Variants in CACNA1B observed in about 807,000 individuals in gnomAD.
CACNA1B encodes the protein calcium voltage-gated channel subunit alpha1 B, also known as voltage-dependent N-type calcium channel subunit alpha-1B.
A neutral mutation model predicts 247.2 loss-of-function variants in CACNA1B; 70 were observed. That is an observed-to-expected ratio of 0.28 (90% CI 0.23 to 0.35). The LOEUF (loss-of-function observed/expected upper bound fraction) is 0.35, where lower values mean the gene tolerates loss of function less well. Ranked by LOEUF, CACNA1B falls within the 10% of genes least tolerant of loss-of-function variation. The pLI is 1.00. For synonymous variants in CACNA1B, 1,231 were observed against 1,294.4 expected, an observed-to-expected ratio of 0.95 and a Z score of 1.05; for missense variants, 2,367 against 3,197.4, an observed-to-expected ratio of 0.74 and a Z score of 6.26.
In CACNA1B at chr9:138,058,341, C is replaced by A; in HGVS notation, c.4308+91C>A. The stretch of plus-strand genomic sequence containing the variant: ...GCACACAAATCACTCACAGCTGGGT[C>A]AGCTTTGGCTGCCACCGTCTGCCAA... On this transcript the variant is annotated intron_variant, in intron 28 of 46. Coordinates refer to ENST00000371372, the MANE Select transcript of CACNA1B (RefSeq NM_000718.4). The surrounding 1 kb of genome is among the most constrained non-coding windows in gnomAD (Gnocchi z 4.7). 8.3e-7 allele frequency: 1 copy of A among 1,199,564 alleles called. No homozygotes were observed. Among genetic ancestry groups the A allele is most frequent in the Non-Finnish European group, 1.2e-6 (1 of 819,536 alleles). The allele number at this position is 1,199,564 out of a possible 1,614,324, so 74.3% of individuals were successfully genotyped here. A position where few individuals can be genotyped will look rare whatever the true frequency, so the allele number is the denominator to read the frequency against.
At chr9:138,118,522 C>T in intron 43 of CACNA1B, 130 bp from the exon 44 acceptor site, 1 of 591,514 alleles carries the variant, frequency 1.7e-6, no homozygotes, top group Non-Finnish European at 3.0e-6. Context: ...GTGTGAACAG[C>T]AGTGGGAGTT....
intron 6 of CACNA1B, among the ~76,000 whole-genome samples, chr9:137,928,102 T>TTTG (rs957027667): frequency 2.6e-5 from 4 of 152,264 alleles, no homozygotes; most frequent in East Asian, 3.9e-4. Flanking sequence ...CTTGTCTTTT[T>TTTG]TTGTTGTTGT....
intron 25 of CACNA1B, 80 bp from the exon 26 acceptor site, chr9:138,053,762 CGTGA>C: frequency 1.9e-6 from 2 of 1,053,320 alleles, no homozygotes; most frequent in Non-Finnish European, 2.9e-6. Flanking sequence ...CACCCCTCCC[CGTGA>C]CCCTACCCTT....
rs1324882918 is a variant in CACNA1B at position 138,072,452 on chromosome 9, T to C, written c.4675-1036T>C. Among the ~76,000 whole-genome samples, 3 of 152,260 alleles carry C rather than the reference T, an allele frequency of 2.0e-5. No individual in the cohort carries two copies. Among genetic ancestry groups the C allele is most frequent in the Non-Finnish European group, 4.4e-5 (3 of 68,042 alleles). On this transcript the variant is annotated intron_variant, in intron 32 of 46. Transcript: ENST00000371372. This position sits in a 1 kb window ranked among gnomAD's most constrained non-coding sequence, Gnocchi z 4.5. ...CTGCGCCTGCACGTGCTCCTGCTGCTGCTGTCTCATTTGACATCTGTGTTC... is the reference window on the plus strand; with the variant it reads ...CTGCGCCTGCACGTGCTCCTGCTGCCGCTGTCTCATTTGACATCTGTGTTC...
At chr9:137,926,612 G>A (rs1377576834) in intron 6 of CACNA1B, among the ~76,000 whole-genome samples, 7 of 152,252 alleles carry the variant, frequency 4.6e-5, no homozygotes, top group East Asian at 3.9e-4. Flanking sequence ...CTGCTGTATC[G>A]TTTTGCACAA....
intron 2 of CACNA1B, among the ~76,000 whole-genome samples, chr9:137,879,604 G>A (rs551666995): frequency 3.3e-5 from 5 of 152,332 alleles, no homozygotes; most frequent in African/African-American, 7.2e-5. Context: ...TGTCTTGTGC[G>A]GGCCTGCTTG....
At chr9:137,893,378 C>T (rs535052028) in intron 3 of CACNA1B, among the ~76,000 whole-genome samples, 2 of 147,886 alleles carry the variant, frequency 1.4e-5, no homozygotes, top group East Asian at 3.9e-4. Context: ...ACACTGGGTG[C>T]GGTGGCTCAT....
intron 6 of CACNA1B, among the ~76,000 whole-genome samples, chr9:137,941,131 T>C (rs1398758516): frequency 6.6e-6 from 1 of 152,150 alleles, no homozygotes; most frequent in African/African-American, 2.4e-5. Flanking sequence ...ACTGTCGCTG[T>C]TTGTTTGCTG....
chr9:138,108,650 G>A (rs1961520481), intron 39 of CACNA1B, among the ~76,000 whole-genome samples: 1 of 150,586 alleles, frequency 6.6e-6, no homozygotes, highest in Non-Finnish European at 1.5e-5. Flanking sequence ...TAAGCAAACT[G>A]AATTTTTTTT....
At chr9:138,037,645 C>T (rs563664556) in intron 20 of CACNA1B, among the ~76,000 whole-genome samples, 3 of 151,222 alleles carry the variant, frequency 2.0e-5, no homozygotes, top group East Asian at 1.9e-4. Flanking sequence ...GGCAACAGAG[C>T]GAGACTCTGT....
Position 138,121,971 on chromosome 9 carries a change from A to G in CACNA1B, c.6992A>G (p.His2331Arg). 6.2e-7 allele frequency: 1 copy of G among 1,600,866 alleles called. No individual in the cohort carries two copies. The highest frequency in any genetic ancestry group is 1.1e-5 in the South Asian group (1 of 91,046). ...SSGGRARHSY[H>R]HPDQDHWC ...GGTGGCCGAGCACGGCACAGCTACC[A>G]CCACCCTGACCAAGACCACTGGTGC... Residue 2331 changes from histidine (H) to arginine (R), a missense_variant, in exon 47 of 47, where the codon CAC becomes CGC. Physicochemically the swap from His to Arg is conservative, Grantham distance 29. This residue lies in a region of CACNA1B where 773 missense variants were observed against 779.4 expected (regional missense o/e 0.99). Coordinates refer to ENST00000371372, the MANE Select transcript of CACNA1B (RefSeq NM_000718.4). The surrounding 1 kb of genome is among the most constrained non-coding windows in gnomAD (Gnocchi z 6.8).
chr9:137,955,623 C>T lies in CACNA1B; in HGVS notation c.1071-75C>T, dbSNP rs1040958774. 4.0e-6 allele frequency: 4 copies of T among 995,360 alleles called. No homozygotes were observed. Among genetic ancestry groups the T allele is most frequent in the Non-Finnish European group, 6.1e-6 (4 of 657,362 alleles). 61.7% of individuals were successfully genotyped at this position (995,360 alleles called of 1,614,324 possible). A position where few individuals can be genotyped will look rare whatever the true frequency, so the allele number is the denominator to read the frequency against. On this transcript the variant is annotated intron_variant, in intron 7 of 46. Coordinates refer to ENST00000371372, the MANE Select transcript of CACNA1B (RefSeq NM_000718.4). This position sits in a 1 kb window ranked among gnomAD's most constrained non-coding sequence, Gnocchi z 6.9. The stretch of plus-strand genomic sequence containing the variant: ...CTCCTGTCCCAGGCTTTCCCTGGTC[C>T]TTTTTGTCTCTGGGGCTGCACACCT...
Position 137,967,942 on chromosome 9 carries a change from C to T in CACNA1B, c.1334-3441C>T, listed in dbSNP as rs574394364. Among the ~76,000 whole-genome samples, 7 of 152,240 alleles carry T rather than the reference C, an allele frequency of 4.6e-5. No individual in the cohort carries two copies. The East Asian group carries it at 9.6e-4, about 21-fold the overall frequency. On this transcript the variant is annotated intron_variant, in intron 10 of 46. Coordinates refer to ENST00000371372, the MANE Select transcript of CACNA1B (RefSeq NM_000718.4). ...GTCCATGCCCTCTTCCTTGAGCTCG[C>T]GTTCACCTCCACGTTGGAGATGCTG...
chr9:137,960,377 G>C (rs1375576958), intron 10 of CACNA1B, among the ~76,000 whole-genome samples: 1 of 146,220 alleles, frequency 6.8e-6, no homozygotes, highest in East Asian at 2.2e-4. Flanking sequence ...CGGCGGTGGG[G>C]TGTGGGGGAG....
rs572185002 is a variant in CACNA1B at position 137,971,773 on chromosome 9, A to G, written c.1543+181A>G. ...CTGTGGGGGCCTGGGGTGTGTCCAG[A>G]GCTGGAGGGTGGCCTCTCCAGCCCC... On this transcript the variant is annotated intron_variant, in intron 11 of 46. Transcript: ENST00000371372. This position sits in a 1 kb window ranked among gnomAD's most constrained non-coding sequence, Gnocchi z 4.4. 1.4e-3 allele frequency among the ~76,000 whole-genome samples: 215 copies of G among 152,210 alleles called. No homozygotes were observed. Among genetic ancestry groups the G allele is most frequent in the African/African-American group, 5.0e-3 (206 of 41,552 alleles).
Position 138,059,270 on chromosome 9 carries a change from C to T in CACNA1B, c.4584+81C>T, listed in dbSNP as rs929212286. ...CTGTAGGGCGACCTTTGGGGGCTCA[C>T]AATTTGGAGCTGGGAATTCTCCGAG... On this transcript the variant is annotated intron_variant, in intron 30 of 46. Transcript: ENST00000371372. This position sits in a 1 kb window ranked among gnomAD's most constrained non-coding sequence, Gnocchi z 4.2. The T allele has an allele frequency of 5.2e-6, 4 of 771,924 alleles. No individual in the cohort carries two copies. In the African/African-American group the frequency reaches 6.8e-5, roughly 13 times the overall value. 47.8% of individuals were successfully genotyped at this position (771,924 alleles called of 1,614,324 possible).
At chr9:137,936,843 C>T (rs1366066102) in intron 6 of CACNA1B, among the ~76,000 whole-genome samples, 1 of 152,176 alleles carries the variant, frequency 6.6e-6, no homozygotes, top group African/African-American at 2.4e-5. Context: ...GTCTGTATCT[C>T]TGTTTTGGTA....
At chr9:138,097,675 TTC>T (rs1225382679) in intron 37 of CACNA1B, among the ~76,000 whole-genome samples, 4 of 152,086 alleles carry the variant, frequency 2.6e-5, no homozygotes, top group Non-Finnish European at 4.4e-5. Context: ...GAGGCCTGCC[TTC>T]TCTCTCTGAG....
At chr9:137,982,171 A>G (rs1328280644) in intron 12 of CACNA1B, among the ~76,000 whole-genome samples, 1 of 152,210 alleles carries the variant, frequency 6.6e-6, no homozygotes, top group Non-Finnish European at 1.5e-5. Context: ...AACTGGGTGC[A>G]CCTGGCTTGC....
Sources: gnomAD v4.1 joint callset for allele counts (sites outside exome capture counted in the v4.1 genomes callset) on GRCh38, gnomAD v4.1.1 for gene constraint, gnomAD v4.1.1 regional missense constraint, Gnocchi (gnomAD v3.1) non-coding constraint, MANE v1.5 for transcripts, NCBI Gene and HGNC (gene_info 2026-07-23, HGNC 2026-07-21) for gene names.